Variants in MUC13 observed in about 807,000 individuals in gnomAD.
The protein encoded by MUC13 is mucin 13, cell surface associated.
In MUC13, 32 loss-of-function variants were observed where a neutral mutation model predicts 48.3. The observed-to-expected ratio is 0.66, with a 90% CI of 0.50 to 0.89. The LOEUF (loss-of-function observed/expected upper bound fraction) is 0.89. MUC13 is among the 40% of genes least tolerant of loss of function. The probability of loss-of-function intolerance (pLI) is 0.00; values close to 1 mark genes in which losing one functional copy is unlikely to be tolerated. For synonymous variants in MUC13, 199 were observed against 224.9 expected, an observed-to-expected ratio of 0.88 and a Z score of 1.03; for missense variants, 571 against 622.8, an observed-to-expected ratio of 0.92 and a Z score of 0.88.
chr3:124,930,304 G>A (rs1465649585), intron 1 of MUC13, among the ~76,000 whole-genome samples: 6 of 152,166 alleles, frequency 3.9e-5, no homozygotes, highest in Non-Finnish European at 7.3e-5. Flanking sequence ...TTTAATAAAT[G>A]AGACACATTC....
chr3:124,910,726 C>A (rs72976411), intron 9 of MUC13, among the ~76,000 whole-genome samples: 3,654 of 152,280 alleles, frequency 0.024, 135 homozygotes, highest in African/African-American at 0.083. Flanking sequence ...CCCTGCCAGA[C>A]AAAACACTGT....
chr3:124,909,134 A>G (rs1935373779), intron 10 of MUC13, among the ~76,000 whole-genome samples: 1 of 151,906 alleles, frequency 6.6e-6, no homozygotes, highest in Non-Finnish European at 1.5e-5. Context: ...AGCCTGGGCG[A>G]CAGACCAAGA....
At chr3:124,909,485 C>CGTGTGTGT (rs71148156) in intron 10 of MUC13, among the ~76,000 whole-genome samples, 67 of 148,454 alleles carry the variant, frequency 4.5e-4, no homozygotes, top group African/African-American at 1.3e-3. Flanking sequence ...TGTGTGCTTG[C>CGTGTGTGT]GTGTGTGTGT....
rs1935350981 is a variant in MUC13, at chr3:124,908,297, G to A, written c.1389C>T (p.Asp463=). The part of the protein sequence containing the change: ...HIEEENLIDE[D]FQNLKLRSTG... ...TCGACCGCAGTTTTAGATTTTGAAA[G>A]TCTTCGTCAATCAAGTTCTCTTCTT... The change falls in exon 11 of 12, where the codon GAC becomes GAT. Residue 463 remains aspartate, a synonymous_variant. Transcript: ENST00000616727. 1.2e-6 allele frequency: 2 copies of A among 1,614,194 alleles called. No individual in the cohort carries two copies. Among genetic ancestry groups the A allele is most frequent in the Non-Finnish European group, 1.7e-6 (2 of 1,180,028 alleles).
chr3:124,930,642 C>A (rs1220151393), intron 1 of MUC13, among the ~76,000 whole-genome samples: 1 of 152,216 alleles, frequency 6.6e-6, no homozygotes, highest in Admixed American at 6.5e-5. Context: ...AGGTACAAAT[C>A]ATAGGTTTCA....
At chr3:124,921,137 C>T (rs1463533723) in intron 4 of MUC13, among the ~76,000 whole-genome samples, 1 of 146,204 alleles carries the variant, frequency 6.8e-6, no homozygotes, top group East Asian at 2.1e-4. Context: ...AAAAAAATGT[C>T]TCTCCATCTC....
At chr3:124,907,330 C>T (rs1470388822) in intron 11 of MUC13, among the ~76,000 whole-genome samples, 7 of 152,116 alleles carry the variant, frequency 4.6e-5, no homozygotes, top group Non-Finnish European at 1.0e-4. Context: ...TAGAAGTGGA[C>T]TGATGCCCAG....
intron 8 of MUC13, among the ~76,000 whole-genome samples, chr3:124,912,811 C>T (rs1307098142): frequency 1.3e-5 from 2 of 151,922 alleles, no homozygotes; most frequent in Admixed American, 1.3e-4. Context: ...TGGCAGGCAC[C>T]TGTAATCCCA....
intron 1 of MUC13, among the ~76,000 whole-genome samples, chr3:124,930,458 G>T (rs1237387626): frequency 6.6e-6 from 1 of 152,006 alleles, no homozygotes; most frequent in Non-Finnish European, 1.5e-5. Context: ...GATATCCCAG[G>T]CTTAAATTAT....
chr3:124,912,993 T>C, intron 8 of MUC13, 118 bp downstream of exon 8: 1 of 1,021,924 alleles, frequency 9.8e-7, no homozygotes, highest in Non-Finnish European at 1.4e-6. Flanking sequence ...ATGCTGTCTC[T>C]ACCAACCTAT....
At chr3:124,908,412 T>A in intron 10 of MUC13, 64 bp from the exon 11 acceptor site, 1 of 1,240,586 alleles carries the variant, frequency 8.1e-7, no homozygotes, top group Non-Finnish European at 1.1e-6. Flanking sequence ...TAAATGTTAA[T>A]GTTCTTTTTA....
chr3:124,911,113 T>C (rs1296782259), intron 9 of MUC13, among the ~76,000 whole-genome samples: 1 of 152,262 alleles, frequency 6.6e-6, no homozygotes, highest in Non-Finnish European at 1.5e-5. Flanking sequence ...GATTCCATGT[T>C]GAAATGATAT....
chr3:124,934,196 G>A (rs1431671548), intron 1 of MUC13, among the ~76,000 whole-genome samples: 8 of 152,176 alleles, frequency 5.3e-5, no homozygotes, highest in Admixed American at 2.0e-4. Context: ...CTACAAGATG[G>A]AGTCTCGCTC....
At chr3:124,914,840 C>T (rs1159933249) in intron 6 of MUC13, among the ~76,000 whole-genome samples, 1 of 152,080 alleles carries the variant, frequency 6.6e-6, no homozygotes, top group Non-Finnish European at 1.5e-5. Flanking sequence ...GCAGGAGAAT[C>T]GCTTGAACCC....
intron 1 of MUC13, among the ~76,000 whole-genome samples, chr3:124,930,255 G>T (rs1413835906): frequency 6.6e-6 from 1 of 152,160 alleles, no homozygotes; most frequent in Non-Finnish European, 1.5e-5. Context: ...TTAAATTTCT[G>T]TTCACTAGGG....
chr3:124,919,020 CTT>C (rs1491214073), intron 5 of MUC13, among the ~76,000 whole-genome samples: 5 of 152,140 alleles, frequency 3.3e-5, no homozygotes, highest in African/African-American at 1.2e-4. Flanking sequence ...CTCTCTCTCT[CTT>C]ATTCCACCAA....
chr3:124,913,148 G>T lies in MUC13; in HGVS notation c.1177C>A (p.Pro393Thr). The part of the protein sequence containing the change: ...SGGAPECACV[P>T]GYQEDANGNC... ...CCATTAGCATCTTCCTGGTAGCCGG[G>T]CACGCACGCACACTCAGGGGCCCCA... The change falls in exon 8 of 12, where the codon CCC (proline) becomes ACC (threonine). Residue 393 changes from proline (P) to threonine (T), a missense_variant. By Grantham distance (38) the Pro-to-Thr change is conservative. Coordinates refer to ENST00000616727, the MANE Select transcript of MUC13 (RefSeq NM_033049.4). The T allele has an allele frequency of 6.2e-7, 1 of 1,613,856 alleles. No individual in the cohort carries two copies. Among genetic ancestry groups the T allele is most frequent in the Non-Finnish European group, 8.5e-7 (1 of 1,179,890 alleles).
Position 124,908,558 on chromosome 3 carries a change from A to C in MUC13, c.1338-210T>G, listed in dbSNP as rs1935353396. On this transcript the variant is annotated intron_variant, in intron 10 of 11. Transcript: ENST00000616727. The stretch of plus-strand genomic sequence containing the variant: ...TCTGAACCAATTAAGAATAAGTTGC[A>C]TAACCAAAGAACACTAACAGTTTTA... Among the ~76,000 whole-genome samples, 3 of 152,238 alleles carry C rather than the reference A, an allele frequency of 2.0e-5. No individual in the cohort carries two copies. In the South Asian group the frequency reaches 6.2e-4, roughly 31 times the overall value.
At chr3:124,932,298 G>A (rs1325687052) in intron 1 of MUC13, among the ~76,000 whole-genome samples, 4 of 152,076 alleles carry the variant, frequency 2.6e-5, no homozygotes, top group African/African-American at 9.7e-5. Context: ...GGGCGTGGTG[G>A]CTCACGCCTG....
Sources: gnomAD v4.1 joint callset for allele counts (sites outside exome capture counted in the v4.1 genomes callset) on GRCh38, gnomAD v4.1.1 for gene constraint, MANE v1.5 for transcripts, NCBI Gene and HGNC (gene_info 2026-07-23, HGNC 2026-07-21) for gene names.